NDUFA9: variants seen among roughly 807,000 people sequenced by gnomAD.
The protein encoded by NDUFA9 is NADH:ubiquinone oxidoreductase subunit A9, also known as NADH dehydrogenase [ubiquinone] 1 alpha subcomplex subunit 9, mitochondrial.
Under a neutral mutation model 45.9 loss-of-function variants are expected in NDUFA9, and 23 were observed. The ratio of observed to expected loss-of-function variants is 0.50; its 90% CI spans 0.36 to 0.71. The LOEUF is 0.71. NDUFA9 is among the 30% of genes least tolerant of loss of function. The probability of loss-of-function intolerance (pLI) is 0.00; values close to 1 mark genes in which losing one functional copy is unlikely to be tolerated. For missense variants in NDUFA9, 466 were observed against 488.2 expected (o/e 0.95, Z 0.43); for synonymous variants, 176 against 170.5 (o/e 1.03, Z -0.25).
chr12:4,650,362 T>A (rs1945750787), intron 1 of NDUFA9, among the ~76,000 whole-genome samples: 1 of 152,246 alleles, frequency 6.6e-6, no homozygotes, highest in Non-Finnish European at 1.5e-5. Context: ...ATTTGCTGGT[T>A]CTTGTTAAAC....
intron 2 of NDUFA9, 57 bp downstream of exon 2, chr12:4,654,519 T>TG: frequency 6.5e-7 from 1 of 1,549,512 alleles, no homozygotes. Context: ...GATTGCCTGA[T>TG]GAGAAGCATG....
rs1213098214 is a variant in NDUFA9 at position 4,693,467 on chromosome 12, A to T, written c.*6359A>T. ...CTCTTCTGTATTTTCATTTATCTCCACCCCCAGTTTACCAGCAGTGGTTAT... is the reference window on the plus strand; with the variant it reads ...CTCTTCTGTATTTTCATTTATCTCCTCCCCCAGTTTACCAGCAGTGGTTAT... On this transcript the variant is annotated 3_prime_UTR_variant, in exon 11 of 11. Transcript: ENST00000266544. The T allele has an allele frequency of 1.3e-5, 2 of 151,820 alleles. No individual in the cohort carries two copies. Among genetic ancestry groups the T allele is most frequent in the Non-Finnish European group, 2.9e-5 (2 of 67,982 alleles). 9.4% of individuals were successfully genotyped at this position (151,820 alleles called of 1,614,324 possible).
In NDUFA9 at chr12:4,688,570, G is replaced by C. The variant is rs1328466933; in HGVS notation, c.*1462G>C. The C allele has an allele frequency of 6.6e-6, 1 of 151,918 alleles. No individual in the cohort carries two copies. 9.4% of individuals were successfully genotyped at this position (151,918 alleles called of 1,614,324 possible). On this transcript the variant is annotated 3_prime_UTR_variant, in exon 11 of 11. Transcript: ENST00000266544. ...CTGCATTTTAGCAAGGTCTCCAGGAGATTTGTATGCACATTACAGTATGAG... is the reference window on the plus strand; with the variant it reads ...CTGCATTTTAGCAAGGTCTCCAGGACATTTGTATGCACATTACAGTATGAG...
In NDUFA9 at chr12:4,690,120, T is replaced by C. The variant is rs1198170994; in HGVS notation, c.*3012T>C. The C allele has an allele frequency of 6.6e-6, 1 of 152,268 alleles. No individual in the cohort carries two copies. The allele number at this position is 152,268 out of a possible 1,614,324, so 9.4% of individuals were successfully genotyped here. A position where few individuals can be genotyped will look rare whatever the true frequency, so the allele number is the denominator to read the frequency against. On this transcript the variant is annotated 3_prime_UTR_variant, in exon 11 of 11. Transcript: ENST00000266544. Reference sequence around the variant, plus strand: ...GAGGCATGGGCTGAGTCTCCATTTATAGGGGCTGTCCCCATAGAGACTTCA... The same window carrying C: ...GAGGCATGGGCTGAGTCTCCATTTACAGGGGCTGTCCCCATAGAGACTTCA...
chr12:4,680,141 C>A (rs1042531179), intron 8 of NDUFA9, among the ~76,000 whole-genome samples: 1 of 152,018 alleles, frequency 6.6e-6, no homozygotes, highest in African/African-American at 2.4e-5. Flanking sequence ...AATTTGAGGA[C>A]AGAAGATAGA....
Position 4,682,286 on chromosome 12 carries a change from G to A in NDUFA9, c.882G>A (p.Pro294=), listed in dbSNP as rs201787513. ...GATTGTTCCTCCCATTCCCCTTGCC[G>A]CTTTTTGCCTATCGGTAAGTAGAGT... The part of the protein sequence containing the change: ...AHRLFLPFPL[P]LFAYRWVARV... The change falls in exon 9 of 11, where the codon CCG becomes CCA. Residue 294 remains proline (P), a synonymous_variant. Coordinates refer to ENST00000266544, the MANE Select transcript of NDUFA9 (RefSeq NM_005002.5). 8.1e-6 allele frequency: 13 copies of A among 1,611,370 alleles called. No homozygotes were observed. Among genetic ancestry groups the A allele is most frequent in the African/African-American group, 1.3e-5 (1 of 74,770 alleles).
At chr12:4,666,776 G>A (rs1398144727) in intron 6 of NDUFA9, among the ~76,000 whole-genome samples, 1 of 152,070 alleles carries the variant, frequency 6.6e-6, no homozygotes, top group Non-Finnish European at 1.5e-5. Flanking sequence ...CTGTGCCTTT[G>A]TAGTAAGTTT....
chr12:4,674,551 C>T lies in NDUFA9; in HGVS notation c.800+4734C>T, dbSNP rs181686822. 2.0e-5 allele frequency among the ~76,000 whole-genome samples: 3 copies of T among 152,182 alleles called. No homozygotes were observed. The East Asian group carries it at 5.8e-4, about 29-fold the overall frequency. ...CTACTCTGATAAAACAGACTTTAAA[C>T]CAACAAAGATCAAAAGAGACAAGGG... On this transcript the variant is annotated intron_variant, in intron 8 of 10. Transcript: ENST00000266544.
chr12:4,673,392 C>T (rs1945899438), intron 8 of NDUFA9, among the ~76,000 whole-genome samples: 1 of 151,820 alleles, frequency 6.6e-6, no homozygotes, highest in South Asian at 2.1e-4. Context: ...CAGAAGTAGG[C>T]ATGTTCTAAC....
intron 5 of NDUFA9, 88 bp downstream of exon 5, chr12:4,659,265 C>T (rs1024052102): frequency 8.2e-7 from 1 of 1,214,364 alleles, no homozygotes; most frequent in Non-Finnish European, 1.2e-6. Context: ...AAGGGTTTAT[C>T]ACAGACATAT....
intron 1 of NDUFA9, among the ~76,000 whole-genome samples, chr12:4,650,960 G>A (rs1945756153): frequency 6.6e-6 from 1 of 152,146 alleles, no homozygotes; most frequent in Admixed American, 6.5e-5. Flanking sequence ...TCTCCAAAGG[G>A]AGTTGTGCAA....
chr12:4,665,769 C>T (rs1279304582), intron 6 of NDUFA9, among the ~76,000 whole-genome samples: 1 of 147,378 alleles, frequency 6.8e-6, no homozygotes, highest in Admixed American at 6.8e-5. Flanking sequence ...TTTATAATAG[C>T]CATCCTAATA....
At chr12:4,649,708 C>G (rs1945744457) in intron 1 of NDUFA9, among the ~76,000 whole-genome samples, 3 of 152,110 alleles carry the variant, frequency 2.0e-5, no homozygotes, top group Non-Finnish European at 2.9e-5. Flanking sequence ...AAAAGCGTCT[C>G]TACGGATGTA....
chr12:4,672,173 A>G (rs1945891138), intron 8 of NDUFA9, among the ~76,000 whole-genome samples: 1 of 152,156 alleles, frequency 6.6e-6, no homozygotes, highest in African/African-American at 2.4e-5. Flanking sequence ...AAGGGAAGCC[A>G]TTAGGGACTG....
chr12:4,663,883 G>A (rs938325374), intron 6 of NDUFA9, among the ~76,000 whole-genome samples: 1 of 152,182 alleles, frequency 6.6e-6, no homozygotes, highest in Non-Finnish European at 1.5e-5. Context: ...TTTTTGTAAG[G>A]TCTCAGATGG....
chr12:4,671,731 C>A (rs1945888251), intron 8 of NDUFA9, among the ~76,000 whole-genome samples: 1 of 151,950 alleles, frequency 6.6e-6, no homozygotes, highest in Non-Finnish European at 1.5e-5. Flanking sequence ...GATGAATTAA[C>A]CAGAATTGAT....
chr12:4,682,323 G>A, intron 9 of NDUFA9, 23 bp downstream of exon 9: 2 of 1,566,308 alleles, frequency 1.3e-6, no homozygotes, highest in South Asian at 1.1e-5. Flanking sequence ...CTCCTTTTGT[G>A]TGACTTCTGA....
intron 8 of NDUFA9, among the ~76,000 whole-genome samples, chr12:4,680,640 A>G (rs1374844920): frequency 6.6e-6 from 1 of 152,222 alleles, no homozygotes; most frequent in Non-Finnish European, 1.5e-5. Context: ...TTGGCGTAGC[A>G]TGTATTATAT....
In NDUFA9 at chr12:4,693,915, T is replaced by C. The variant is rs1591553658; in HGVS notation, c.*6807T>C. ...AAAAACAAGAGAAGTGACAGCTTTA[T>C]AGCATCTGATTGGGGAAAAACACAT... On this transcript the variant is annotated 3_prime_UTR_variant, in exon 11 of 11. Transcript: ENST00000266544. 1 of 152,224 alleles carries C rather than the reference T, an allele frequency of 6.6e-6. No homozygotes were observed. Among genetic ancestry groups the C allele is most frequent in the South Asian group, 2.1e-4 (1 of 4,830 alleles). 9.4% of individuals were successfully genotyped at this position (152,224 alleles called of 1,614,324 possible).
Sources: gnomAD v4.1 joint callset for allele counts (sites outside exome capture counted in the v4.1 genomes callset) on GRCh38, gnomAD v4.1.1 for gene constraint, MANE v1.5 for transcripts, NCBI Gene and HGNC (gene_info 2026-07-23, HGNC 2026-07-21) for gene names.